GULP1: variants seen among roughly 807,000 people sequenced by gnomAD.
GULP1 encodes PTB domain-containing engulfment adapter protein 1.
In GULP1, 19 loss-of-function variants were observed where a neutral mutation model predicts 40.9. That is an observed-to-expected ratio of 0.46 (90% CI 0.32 to 0.68). The LOEUF is 0.68. GULP1 is among the 30% of genes least tolerant of loss of function. The pLI is 0.03. For synonymous variants in GULP1, 119 were observed against 117.6 expected (o/e 1.01, Z -0.08); for missense variants, 312 against 362.2 (o/e 0.86, Z 1.12).
chr2:188,509,460 A>C (rs2064279327), intron 4 of GULP1, among the ~76,000 whole-genome samples: 1 of 152,090 alleles, frequency 6.6e-6, no homozygotes, highest in Admixed American at 6.6e-5. Context: ...AGAAATCAAT[A>C]AATCTGCATT....
intron 1 of GULP1, among the ~76,000 whole-genome samples, chr2:188,305,269 C>T (rs2106194903): frequency 6.6e-6 from 1 of 152,304 alleles, no homozygotes; most frequent in Admixed American, 6.5e-5. Flanking sequence ...GGGTGGGCCA[C>T]CCTCCAAGAA....
chr2:188,333,674 CA>C, intron 1 of GULP1, among the ~76,000 whole-genome samples: 1 of 152,220 alleles, frequency 6.6e-6, no homozygotes, highest in East Asian at 1.9e-4. Flanking sequence ...TAAGAAAAGC[CA>C]ATTTAGAAGA....
At chr2:188,453,986 G>A (rs769712662) in intron 2 of GULP1, among the ~76,000 whole-genome samples, 9 of 152,168 alleles carry the variant, frequency 5.9e-5, no homozygotes, top group Admixed American at 1.3e-4. Flanking sequence ...ATGATGCAGG[G>A]TTTTTCTCAG....
chr2:188,382,078 G>A (rs949116028), intron 1 of GULP1, among the ~76,000 whole-genome samples: 9 of 152,058 alleles, frequency 5.9e-5, no homozygotes, highest in Non-Finnish European at 1.0e-4. Flanking sequence ...GCTTTTTGTA[G>A]TAGATGCTGT....
intron 7 of GULP1, among the ~76,000 whole-genome samples, chr2:188,559,445 A>T (rs569190935): frequency 6.6e-6 from 1 of 152,282 alleles, no homozygotes; most frequent in Admixed American, 6.5e-5. Flanking sequence ...GGGGTGGGGC[A>T]CTCATGGAGA....
At chr2:188,439,016 G>T (rs926626105) in intron 2 of GULP1, among the ~76,000 whole-genome samples, 5 of 151,806 alleles carry the variant, frequency 3.3e-5, no homozygotes, top group Non-Finnish European at 7.4e-5. Flanking sequence ...TGTTAAATTA[G>T]GAATATTATT....
At chr2:188,298,240 A>G (rs1175386731) in intron 1 of GULP1, among the ~76,000 whole-genome samples, 1 of 151,392 alleles carries the variant, frequency 6.6e-6, no homozygotes, top group African/African-American at 2.4e-5. Context: ...AATAACATAA[A>G]CACTGAACTT....
chr2:188,324,830 C>G (rs12151472), intron 1 of GULP1, among the ~76,000 whole-genome samples: 14,037 of 151,678 alleles, frequency 0.093, 1,084 homozygotes, highest in African/African-American at 0.2. Context: ...AACTACAGAA[C>G]CTAAGGAATT....
At position 188,556,256 on chromosome 2, in the gene GULP1, C is replaced by T. The variant is rs144411185; in HGVS notation, c.400-12983C>T. ...TACTATTTTTATCTTTATATTTGTC[C>T]GACTGAATTATTTCAAAAGATCTGT... On this transcript the variant is annotated intron_variant, in intron 7 of 11. Coordinates refer to ENST00000409830, the MANE Select transcript of GULP1 (RefSeq NM_016315.4). 2.2e-3 allele frequency among the ~76,000 whole-genome samples: 334 copies of T among 151,854 alleles called. 3 individuals carry two copies. Among genetic ancestry groups the T allele is most frequent in the African/African-American group, 7.4e-3 (307 of 41,432 alleles).
chr2:188,348,487 T>C (rs185854714), intron 1 of GULP1, among the ~76,000 whole-genome samples: 4 of 152,280 alleles, frequency 2.6e-5, no homozygotes, highest in Admixed American at 2.0e-4. Context: ...TTCCTGTAGA[T>C]TAAACATATA....
chr2:188,318,145 A>G (rs1559104994), intron 1 of GULP1, among the ~76,000 whole-genome samples: 2 of 152,182 alleles, frequency 1.3e-5, no homozygotes, highest in Non-Finnish European at 2.9e-5. Context: ...GTCATGATCT[A>G]GAAAGTGCAG....
At chr2:188,334,657 A>G (rs1341840104) in intron 1 of GULP1, among the ~76,000 whole-genome samples, 1 of 152,234 alleles carries the variant, frequency 6.6e-6, no homozygotes, top group East Asian at 1.9e-4. Flanking sequence ...AATCCAGAGT[A>G]TTAGGACTGT....
chr2:188,320,734 T>C (rs374423858), intron 1 of GULP1, among the ~76,000 whole-genome samples: 1 of 152,124 alleles, frequency 6.6e-6, no homozygotes, highest in East Asian at 1.9e-4. Flanking sequence ...ATCTTCTATG[T>C]GAATATGGGC....
intron 2 of GULP1, among the ~76,000 whole-genome samples, chr2:188,416,858 T>C (rs2054652471): frequency 6.6e-6 from 1 of 152,244 alleles, no homozygotes; most frequent in African/African-American, 2.4e-5. Context: ...AGTTTGAGTA[T>C]TTATTTTTGA....
chr2:188,349,769 G>A (rs1258427295), intron 1 of GULP1, among the ~76,000 whole-genome samples: 3 of 151,914 alleles, frequency 2.0e-5, no homozygotes, highest in Non-Finnish European at 2.9e-5. Context: ...TTTCATATGT[G>A]GGAAACTATT....
At chr2:188,516,156 C>G (rs916494303) in intron 4 of GULP1, among the ~76,000 whole-genome samples, 1 of 152,090 alleles carries the variant, frequency 6.6e-6, no homozygotes, top group Non-Finnish European at 1.5e-5. Flanking sequence ...GCTCATTACT[C>G]CCTCTGTTTT....
At chr2:188,453,314 T>A (rs2058987356) in intron 2 of GULP1, among the ~76,000 whole-genome samples, 1 of 56,962 alleles carries the variant, frequency 1.8e-5, no homozygotes, top group Admixed American at 2.1e-4. Flanking sequence ...TGTAAATGTT[T>A]AAAATGTAAT....
In GULP1 at chr2:188,457,068, T is replaced by C. The variant is rs568595599; in HGVS notation, c.-44-20591T>C. On this transcript the variant is annotated intron_variant, in intron 2 of 11. Coordinates refer to ENST00000409830, the MANE Select transcript of GULP1 (RefSeq NM_016315.4). ...ACCCAATACCTGTACCTTCATTGTA[T>C]CTAGGAAGTAACTAGCTTGCTTTTG... Among the ~76,000 whole-genome samples the C allele has an allele frequency of 3.9e-5, 6 of 152,318 alleles. No individual in the cohort carries two copies. In the East Asian group the frequency reaches 1.2e-3, roughly 29 times the overall value.
At chr2:188,475,471 C>T (rs112841523) in intron 2 of GULP1, among the ~76,000 whole-genome samples, 56 of 151,774 alleles carry the variant, frequency 3.7e-4, no homozygotes, top group African/African-American at 9.4e-4. Context: ...TTAAAAGCCA[C>T]GCTATTGTTT....
Sources: allele counts gnomAD v4.1 joint callset (sites outside exome capture counted in the v4.1 genomes callset), GRCh38; gene constraint gnomAD v4.1.1; transcripts MANE v1.5; gene names NCBI Gene and HGNC (gene_info 2026-07-23, HGNC 2026-07-21).